Variants in OLFM3 observed in about 807,000 individuals in gnomAD.
OLFM3 encodes noelin-3.
Under a neutral mutation model 48.6 loss-of-function variants are expected in OLFM3, and 20 were observed. The ratio of observed to expected loss-of-function variants is 0.41; its 90% CI spans 0.29 to 0.60. The LOEUF is 0.60. Among genes scored for constraint, OLFM3 ranks in the 20% least tolerant of loss-of-function variants. The pLI is 0.28. For missense variants in OLFM3, 437 were observed against 544.3 expected (o/e 0.80, Z 1.96); for synonymous variants, 222 against 198.1 (o/e 1.12, Z -1.01).
At chr1:101,811,434 T>C (rs1306789330) in intron 4 of OLFM3, among the ~76,000 whole-genome samples, 1 of 152,084 alleles carries the variant, frequency 6.6e-6, no homozygotes, top group East Asian at 1.9e-4. Flanking sequence ...TTTTGCAATC[T>C]ACTCATCTGA....
At chr1:101,950,027 TA>T (rs68119821) in intron 1 of OLFM3, among the ~76,000 whole-genome samples, 72,580 of 128,998 alleles carry the variant, frequency 0.56, 19,320 homozygotes, top group Middle Eastern at 0.65. Flanking sequence ...GACTCCGTCT[TA>T]AAAAAAAAAA....
At chr1:101,855,268 A>G (rs986524131) in intron 1 of OLFM3, among the ~76,000 whole-genome samples, 2 of 151,666 alleles carry the variant, frequency 1.3e-5, no homozygotes, top group Non-Finnish European at 2.9e-5. Context: ...CCTCAGACAA[A>G]CCCGATGAGG....
chr1:101,847,055 G>T, intron 1 of OLFM3: 1 of 1,517,012 alleles, frequency 6.6e-7, no homozygotes, highest in Non-Finnish European at 8.9e-7. Flanking sequence ...ACTGCAGCGC[G>T]CCACATCTAC....
intron 1 of OLFM3, among the ~76,000 whole-genome samples, chr1:101,970,002 C>A (rs1660735397): frequency 6.6e-6 from 1 of 151,906 alleles, no homozygotes; most frequent in East Asian, 1.9e-4. Flanking sequence ...CTACAGGTTG[C>A]CATTTTGTAA....
intron 1 of OLFM3, among the ~76,000 whole-genome samples, chr1:101,986,193 T>G (rs1661232521): frequency 6.6e-6 from 1 of 152,076 alleles, no homozygotes; most frequent in Non-Finnish European, 1.5e-5. Context: ...TCTCGATCCC[T>G]GACCTCGTGA....
At chr1:101,961,804 A>C (rs1660475429) in intron 1 of OLFM3, among the ~76,000 whole-genome samples, 1 of 152,158 alleles carries the variant, frequency 6.6e-6, no homozygotes, top group South Asian at 2.1e-4. Context: ...CACAAGAGGT[A>C]AGTTACACAG....
At chr1:101,976,985 A>G (rs1275471597) in intron 1 of OLFM3, among the ~76,000 whole-genome samples, 1 of 152,140 alleles carries the variant, frequency 6.6e-6, no homozygotes, top group Non-Finnish European at 1.5e-5. Context: ...GACAACTTCA[A>G]TATTTAAAAC....
intron 1 of OLFM3, among the ~76,000 whole-genome samples, chr1:101,974,097 T>G (rs1211754402): frequency 6.6e-6 from 1 of 152,056 alleles, no homozygotes; most frequent in South Asian, 2.1e-4. Flanking sequence ...TTAGCTTTTC[T>G]CATTTCCCTA....
chr1:101,821,413 A>G (rs1654602468), intron 4 of OLFM3, among the ~76,000 whole-genome samples: 1 of 152,036 alleles, frequency 6.6e-6, no homozygotes, highest in South Asian at 2.1e-4. Context: ...TGGCTCTTTT[A>G]AAAATAAAAA....
At chr1:101,939,813 T>C (rs1186894750) in intron 1 of OLFM3, among the ~76,000 whole-genome samples, 2 of 152,148 alleles carry the variant, frequency 1.3e-5, no homozygotes, top group Non-Finnish European at 1.5e-5. Flanking sequence ...TTTTTGCTTG[T>C]TTTTTGTTGG....
intron 1 of OLFM3, among the ~76,000 whole-genome samples, chr1:101,909,163 T>A (rs962022366): frequency 6.6e-6 from 1 of 152,184 alleles, no homozygotes; most frequent in Admixed American, 6.5e-5. Context: ...CACTTGGACA[T>A]CTCTGAGAAA....
At chr1:101,980,123 T>C (rs1661067763) in intron 1 of OLFM3, among the ~76,000 whole-genome samples, 1 of 152,202 alleles carries the variant, frequency 6.6e-6, no homozygotes, top group Non-Finnish European at 1.5e-5. Flanking sequence ...TTGTATCTAG[T>C]AACTAACTTG....
intron 1 of OLFM3, among the ~76,000 whole-genome samples, chr1:101,993,032 C>T (rs187839394): frequency 6.6e-6 from 1 of 152,040 alleles, no homozygotes; most frequent in South Asian, 2.1e-4. Flanking sequence ...CAGCACGGTT[C>T]CCCTGATAGG....
At chr1:101,893,508 G>A (rs1658081988) in intron 1 of OLFM3, 2 of 287,016 alleles carry the variant, frequency 7.0e-6, no homozygotes, top group Middle Eastern at 1.4e-3. Flanking sequence ...ATCTCATGAT[G>A]AAAGAGACCA....
intron 1 of OLFM3, among the ~76,000 whole-genome samples, chr1:101,941,649 A>G (rs1350079290): frequency 6.6e-6 from 1 of 152,210 alleles, no homozygotes; most frequent in African/African-American, 2.4e-5. Context: ...AACATTTTAA[A>G]GAATTTTAAA....
chr1:101,976,474 A>G (rs1349507488), intron 1 of OLFM3, among the ~76,000 whole-genome samples: 3 of 152,218 alleles, frequency 2.0e-5, no homozygotes, highest in African/African-American at 7.2e-5. Context: ...ACGGATACAA[A>G]TACTAATACA....
intron 1 of OLFM3, among the ~76,000 whole-genome samples, chr1:101,912,317 C>T (rs1234028298): frequency 6.6e-6 from 1 of 152,180 alleles, no homozygotes; most frequent in Non-Finnish European, 1.5e-5. Flanking sequence ...AATAGGAGAT[C>T]TGGGCCAGAG....
chr1:101,826,447 A>T (rs1245965661), intron 3 of OLFM3, among the ~76,000 whole-genome samples: 1 of 152,212 alleles, frequency 6.6e-6, no homozygotes, highest in Non-Finnish European at 1.5e-5. Context: ...GTCAGAAATT[A>T]TACTGTACAC....
chr1:101,929,659 A>G (rs1659384750), intron 1 of OLFM3, among the ~76,000 whole-genome samples: 1 of 152,132 alleles, frequency 6.6e-6, no homozygotes, highest in African/African-American at 2.4e-5. Context: ...TTAGAATACT[A>G]CATTTAGAGG....
Sources: gnomAD v4.1 joint callset for allele counts (sites outside exome capture counted in the v4.1 genomes callset) on GRCh38, gnomAD v4.1.1 for gene constraint, MANE v1.5 for transcripts, NCBI Gene and HGNC (gene_info 2026-07-23, HGNC 2026-07-21) for gene names.